CENPI: variants seen among roughly 807,000 people sequenced by gnomAD.
The protein encoded by CENPI is centromere protein I.
Under a neutral mutation model 60.4 loss-of-function variants are expected in CENPI, and 4 were observed. That is an observed-to-expected ratio of 0.07 (90% CI 0.03 to 0.15). The LOEUF (loss-of-function observed/expected upper bound fraction) is 0.15, where lower values mean the gene tolerates loss of function less well. Among genes scored for constraint, CENPI ranks in the 10% least tolerant of loss-of-function variants. The pLI is 1.00. For synonymous variants in CENPI, 157 were observed against 189.4 expected (o/e 0.83, Z 1.40); for missense variants, 444 against 534.5 (o/e 0.83, Z 1.67).
chrX:101,149,665 C>A (rs1461411258), intron 20 of CENPI, among the ~76,000 whole-genome samples: 1 of 110,520 alleles, frequency 9.0e-6, no homozygotes, highest in Non-Finnish European at 1.9e-5. Flanking sequence ...CACCACCACG[C>A]CTGGCTAATT....
At chrX:101,171,236 C>G in the CENPI span, among the ~76,000 whole-genome samples, 7 of 111,140 alleles carry the variant, frequency 6.3e-5, no homozygotes, top group Non-Finnish European at 1.3e-4. Context: ...GGAGCCAACA[C>G]AGTTCAATGG....
At chrX:101,099,815 T>G (rs1602751138) in intron 2 of CENPI, 1 of 103,074 alleles carries the variant, frequency 9.7e-6, no homozygotes, top group East Asian at 3.0e-4. Context: ...TTAGACAAAG[T>G]CTTGCTCTGT....
the CENPI span, among the ~76,000 whole-genome samples, chrX:101,174,894 G>A: frequency 9.0e-6 from 1 of 111,631 alleles, no homozygotes; most frequent in East Asian, 2.8e-4. Context: ...GATCACCTGA[G>A]GTCAGGAGTT....
chrX:101,177,267 G>A, the CENPI span, among the ~76,000 whole-genome samples: 1 of 111,469 alleles, frequency 9.0e-6, no homozygotes, highest in Non-Finnish European at 1.9e-5. Flanking sequence ...TATTTATGAT[G>A]GCTGTAATGG....
At chrX:101,124,003 C>G (rs949357168) in intron 8 of CENPI, among the ~76,000 whole-genome samples, 1 of 110,671 alleles carries the variant, frequency 9.0e-6, no homozygotes, top group Non-Finnish European at 1.9e-5. Flanking sequence ...TGTTGAGGAT[C>G]CTCCCAGATG....
chrX:101,179,030 A>G, the CENPI span, among the ~76,000 whole-genome samples: 1 of 112,347 alleles, frequency 8.9e-6, no homozygotes, highest in African/African-American at 3.2e-5. Context: ...ATTGCATAAT[A>G]TTTACCATTT....
At chrX:101,142,039 CCT>C in intron 16 of CENPI, among the ~76,000 whole-genome samples, 1 of 111,942 alleles carries the variant, frequency 8.9e-6, no homozygotes, top group East Asian at 2.8e-4. Flanking sequence ...GTCTGAAATT[CCT>C]CTCTTTTACT....
At chrX:101,172,781 A>G in the CENPI span, among the ~76,000 whole-genome samples, 2 of 111,577 alleles carry the variant, frequency 1.8e-5, no homozygotes, top group Admixed American at 1.9e-4. Context: ...AAAAACTTAT[A>G]AGGACTATTT....
Position 101,132,421 on chromosome X carries a change from G to C in CENPI, c.1435G>C (p.Ala479Pro). 1 of 1,209,990 alleles carries C rather than the reference G, an allele frequency of 8.3e-7. No homozygotes were observed. Among genetic ancestry groups the C allele is most frequent in the African/African-American group, 1.7e-5 (1 of 57,687 alleles). ...EVKPLLFDHL[A>P]QLFFTSTIYF... ...GAAACCACTTCTTTTTGACCATCTA[G>C]CGCAGCTCTTCTTTACATCAACCAT... Residue 479 changes from alanine (A) to proline (P), a missense_variant, in exon 15 of 22, where the codon GCG becomes CCG. By Grantham distance (27) the Ala-to-Pro change is conservative. Transcript: ENST00000682095.
rs997129083 is a variant in CENPI at position 101,163,900 on chromosome X, C to T, written c.*933C>T. Among the ~76,000 whole-genome samples the T allele has an allele frequency of 4.3e-4, 47 of 110,172 alleles. No homozygotes were observed. The highest frequency in any genetic ancestry group is 1.4e-3 in the African/African-American group (42 of 30,314). On this transcript the variant is annotated 3_prime_UTR_variant, in exon 22 of 22. Coordinates refer to ENST00000682095, the MANE Select transcript of CENPI (RefSeq NM_001386188.2). Reference sequence around the variant, plus strand: ...AATACAAAAAATTGGCCGGGCATGCCGGCACGTGCCTGTAGTCCCAGCTAC... The same window carrying T: ...AATACAAAAAATTGGCCGGGCATGCTGGCACGTGCCTGTAGTCCCAGCTAC...
At chrX:101,162,765 G>A (rs747697410) in intron 21 of CENPI, 68 bp from the exon 22 acceptor site, 1 of 1,131,302 alleles carries the variant, frequency 8.8e-7, no homozygotes, top group South Asian at 1.9e-5. Flanking sequence ...CCTAGGGAAA[G>A]AGGAGGAAAT....
rs139082540 is a variant in CENPI at position 101,145,588 on chromosome X, G to A, written c.1701+389G>A. ...CCTTACTTCTCTTGCTACCTAGTAC[G>A]CTTTTATTGTTTTATAGTATATGAC... On this transcript the variant is annotated intron_variant, in intron 17 of 21. Transcript: ENST00000682095. Among the ~76,000 whole-genome samples the A allele has an allele frequency of 8.6e-3, 937 of 108,921 alleles. 12 individuals carry two copies. The highest frequency in any genetic ancestry group is 0.03 in the African/African-American group (905 of 30,090). 94.6% of individuals were successfully genotyped at this position (108,921 alleles called of 115,157 possible). A position where few individuals can be genotyped will look rare whatever the true frequency, so the allele number is the denominator to read the frequency against.
intron 15 of CENPI, among the ~76,000 whole-genome samples, chrX:101,140,044 G>A (rs2089899646): frequency 9.0e-6 from 1 of 110,744 alleles, no homozygotes; most frequent in Non-Finnish European, 1.9e-5. Flanking sequence ...CACCGCGTTA[G>A]CCAGGATGGT....
At chrX:101,127,017 G>A in intron 9 of CENPI, 121 bp from the exon 10 acceptor site, 1 of 639,664 alleles carries the variant, frequency 1.6e-6, no homozygotes, top group Non-Finnish European at 2.3e-6. Flanking sequence ...AATACTTTAA[G>A]TGCATTTGTA....
rs1441081471 is a variant in CENPI at position 101,163,967 on chromosome X, G to A, written c.*1000G>A. 9.2e-6 allele frequency among the ~76,000 whole-genome samples: 1 copy of A among 109,255 alleles called. No individual in the cohort carries two copies. 94.9% of individuals were successfully genotyped at this position (109,255 alleles called of 115,157 possible). On this transcript the variant is annotated 3_prime_UTR_variant, in exon 22 of 22. Transcript: ENST00000682095. ...GGAGAATCGCTTGAACCCGGGAGGC[G>A]GAGGTTGCAGTGAGCCAAGATCGCG... is the stretch of plus-strand genomic sequence containing the variant.
the CENPI span, among the ~76,000 whole-genome samples, chrX:101,176,185 A>T: frequency 8.9e-6 from 1 of 112,105 alleles, no homozygotes; most frequent in African/African-American, 3.2e-5. Flanking sequence ...TTAATTCATT[A>T]GTCCATTGAT....
At chrX:101,158,979 G>C (rs1248586112) in intron 20 of CENPI, among the ~76,000 whole-genome samples, 3 of 111,045 alleles carry the variant, frequency 2.7e-5, no homozygotes, top group Non-Finnish European at 5.7e-5. Flanking sequence ...TATAAGAAGA[G>C]GCTCGAGTGG....
chrX:101,101,862 A>G (rs1430436491), intron 3 of CENPI, among the ~76,000 whole-genome samples: 1 of 112,543 alleles, frequency 8.9e-6, no homozygotes, highest in Non-Finnish European at 1.9e-5. Flanking sequence ...AGTTTTTGGG[A>G]AGACACTTCT....
Position 101,152,594 on chromosome X carries a change from G to C in CENPI, c.2094+4433G>C, listed in dbSNP as rs779988983. 6.1e-4 allele frequency among the ~76,000 whole-genome samples: 67 copies of C among 109,356 alleles called. 1 individual carries two copies. The highest frequency in any genetic ancestry group is 4.4e-4 in the Non-Finnish European group (23 of 52,595). 95.0% of individuals were successfully genotyped at this position (109,356 alleles called of 115,157 possible). On this transcript the variant is annotated intron_variant, in intron 20 of 21. Transcript: ENST00000682095. ...TTTTTTGTATTTTTAGTAGAGACAG[G>C]GTTTCACCATGTTGGCCAGGCTGGT...
Sources: allele counts gnomAD v4.1 joint callset (sites outside exome capture counted in the v4.1 genomes callset), GRCh38; gene constraint gnomAD v4.1.1; transcripts MANE v1.5; gene names NCBI Gene and HGNC (gene_info 2026-07-23, HGNC 2026-07-21).